ZZEF1: variants seen among roughly 807,000 people sequenced by gnomAD.
The protein encoded by ZZEF1 is zinc finger ZZ-type and EF-hand domain containing 1, also known as zinc finger ZZ-type and EF-hand domain-containing protein 1.
A neutral mutation model predicts 342.8 loss-of-function variants in ZZEF1; 157 were observed. That is an observed-to-expected ratio of 0.46 (90% CI 0.40 to 0.52). The LOEUF (loss-of-function observed/expected upper bound fraction) is 0.52. Among genes scored for constraint, ZZEF1 ranks in the 20% least tolerant of loss-of-function variants. The pLI is 0.00. For missense variants in ZZEF1, 3,480 were observed against 3,725.6 expected (o/e 0.93, Z 1.72); for synonymous variants, 1,505 against 1,429.1 (o/e 1.05, Z -1.20).
rs1491483468 is a variant in ZZEF1, at chr17:4,024,185, G to GTT, written c.7092+733_7092+734insAA. On this transcript the variant is annotated intron_variant, in intron 43 of 54. Transcript: ENST00000381638. ...TCATCTCCATGCCAAATATTGCCCA[G>GTT]GTTTTTTTTTTTTTTTTTTTTTTTT... Among the ~76,000 whole-genome samples the GTT allele has an allele frequency of 3.0e-3, 253 of 83,964 alleles. 4 individuals are homozygous for GTT. Among genetic ancestry groups the GTT allele is most frequent in the African/African-American group, 0.017 (242 of 14,072 alleles). The allele number at this position is 83,964 out of a possible 152,430, so 55.1% of individuals were successfully genotyped here.
chr17:4,034,224 G>A lies in ZZEF1; in HGVS notation c.6375C>T (p.Asn2125=), dbSNP rs35511240. Residue 2125 remains asparagine (N), a synonymous_variant, in exon 40 of 55, where the codon AAC becomes AAT. Transcript: ENST00000381638. ...GGTAGGTTTCATTCAGGTGGCCTGC[G>A]TTTGAGATGACAACCTGAAACATGA... The part of the protein sequence containing the change: ...LPLMFQVVIS[N]AGHLNETYHL... The A allele has an allele frequency of 6.4e-3, 10,354 of 1,614,188 alleles. 43 individuals are homozygous for A. Among genetic ancestry groups the A allele is most frequent in the Non-Finnish European group, 7.8e-3 (9,188 of 1,180,022 alleles).
intron 2 of ZZEF1, among the ~76,000 whole-genome samples, chr17:4,119,352 A>G (rs1167875838): frequency 2.0e-5 from 3 of 152,218 alleles, no homozygotes; most frequent in African/African-American, 7.2e-5. Context: ...TGGTGGCACC[A>G]ATGTCTGCAA....
At position 4,062,769 on chromosome 17, in the gene ZZEF1, G is replaced by A; in HGVS notation, c.4867C>T (p.Gln1623Ter). ...ILFLLELLTC[Q>*]KDFTNYFGHL... Reference sequence around the variant, plus strand: ...TGTACTTACTTGGTAAAATCTTTCTGACAGGTCAGAAGTTCCAACAGGAAA... The same window carrying A: ...TGTACTTACTTGGTAAAATCTTTCTAACAGGTCAGAAGTTCCAACAGGAAA... The change falls in exon 30 of 55, where the codon CAG (glutamine) becomes TAG (stop). Residue 1623 changes from glutamine (Q) to a stop codon, truncating the protein, a stop_gained. Coordinates refer to ENST00000381638, the MANE Select transcript of ZZEF1 (RefSeq NM_015113.4). LOFTEE classifies it high-confidence loss of function. The A allele has an allele frequency of 6.2e-7, 1 of 1,607,538 alleles. No individual in the cohort carries two copies. Among genetic ancestry groups the A allele is most frequent in the Non-Finnish European group, 8.5e-7 (1 of 1,176,558 alleles).
intron 1 of ZZEF1, 61 bp from the exon 2 acceptor site, chr17:4,124,112 G>C (rs145700761): frequency 1.3e-6 from 2 of 1,511,656 alleles, no homozygotes; most frequent in Non-Finnish European, 1.8e-6. Context: ...GCAGTTTCAA[G>C]TTTCTTTTAT....
intron 3 of ZZEF1, among the ~76,000 whole-genome samples, chr17:4,115,946 T>C (rs2058387166): frequency 6.6e-6 from 1 of 152,244 alleles, no homozygotes; most frequent in Non-Finnish European, 1.5e-5. Context: ...TGGAACTATT[T>C]TCTTCCAATA....
chr17:4,118,676 C>T (rs1022441196), intron 2 of ZZEF1, among the ~76,000 whole-genome samples: 24 of 152,186 alleles, frequency 1.6e-4, no homozygotes, highest in Non-Finnish European at 2.9e-5. Flanking sequence ...CCTCCAAAAT[C>T]CAAGTTGGTC....
chr17:4,137,591 A>G lies in ZZEF1; in HGVS notation c.354+4951T>C, dbSNP rs369041188. 4.7e-4 allele frequency among the ~76,000 whole-genome samples: 72 copies of G among 152,278 alleles called. 2 individuals are homozygous for G. In the South Asian group the frequency reaches 6.2e-3, roughly 13 times the overall value. On this transcript the variant is annotated intron_variant, in intron 1 of 54. Transcript: ENST00000381638. The stretch of plus-strand genomic sequence containing the variant: ...TGTGCCACTGCACTCCAGCCTGGGC[A>G]ACAGAGACTCTGTCTCAAAATAATA...
chr17:4,091,152 C>T (rs1193883052), intron 11 of ZZEF1, among the ~76,000 whole-genome samples: 1 of 152,208 alleles, frequency 6.6e-6, no homozygotes, highest in Non-Finnish European at 1.5e-5. Context: ...TCCAATGCAA[C>T]AGCTGGCATG....
intron 52 of ZZEF1, among the ~76,000 whole-genome samples, chr17:4,011,416 G>A (rs1008917223): frequency 7.2e-5 from 11 of 152,048 alleles, no homozygotes; most frequent in African/African-American, 2.7e-4. Flanking sequence ...AAAAAAAAAG[G>A]TAACGATGAC....
intron 6 of ZZEF1, among the ~76,000 whole-genome samples, chr17:4,109,376 T>A (rs919073340): frequency 6.6e-6 from 1 of 152,144 alleles, no homozygotes; most frequent in African/African-American, 2.4e-5. Flanking sequence ...ACAAGACTGG[T>A]CCACTTAGTG....
At chr17:4,131,327 A>G (rs1331772143) in intron 1 of ZZEF1, among the ~76,000 whole-genome samples, 19 of 152,208 alleles carry the variant, frequency 1.2e-4, no homozygotes, top group Admixed American at 1.2e-3. Context: ...TGAAGTTGAT[A>G]GAATGCCAAT....
At chr17:4,054,254 T>A (rs188365246) in intron 33 of ZZEF1, 59 bp from the exon 34 acceptor site, 1 of 1,555,370 alleles carries the variant, frequency 6.4e-7, no homozygotes, top group Non-Finnish European at 8.8e-7. Flanking sequence ...CACAATTCAC[T>A]AATCAATTCC....
At chr17:4,064,918 A>G (rs917601556) in intron 28 of ZZEF1, 89 bp from the exon 29 acceptor site, 11 of 956,310 alleles carry the variant, frequency 1.2e-5, no homozygotes, top group Non-Finnish European at 1.7e-5. Context: ...TAGAGGATAT[A>G]CCTAATGTAA....
At chr17:4,113,418 G>A (rs540887581) in intron 4 of ZZEF1, among the ~76,000 whole-genome samples, 5 of 152,244 alleles carry the variant, frequency 3.3e-5, no homozygotes, top group Admixed American at 2.0e-4. Flanking sequence ...GGCCAGGCAC[G>A]GTGGCTCACG....
chr17:4,020,831 T>C (rs1275972663), intron 45 of ZZEF1, among the ~76,000 whole-genome samples: 1 of 152,214 alleles, frequency 6.6e-6, no homozygotes, highest in Non-Finnish European at 1.5e-5. Flanking sequence ...GCCTTAGGGC[T>C]TTAGTAAGCC....
In ZZEF1 at chr17:4,052,253, C is replaced by T. The variant is rs1007421995; in HGVS notation, c.5435-117G>A. 19 of 972,452 alleles carry T rather than the reference C, an allele frequency of 2.0e-5. No individual in the cohort carries two copies. The African/African-American group carries it at 2.0e-4, about 10-fold the overall frequency. 60.2% of individuals were successfully genotyped at this position (972,452 alleles called of 1,614,324 possible). On this transcript the variant is annotated intron_variant, in intron 34 of 54. Coordinates refer to ENST00000381638, the MANE Select transcript of ZZEF1 (RefSeq NM_015113.4). ...GTTCCCAAGTGACTGCTCAGGGATA[C>T]AGGGCCCACAGGCGTTCTCTGGAGA...
At chr17:4,051,337 T>C (rs2057041360) in intron 35 of ZZEF1, among the ~76,000 whole-genome samples, 2 of 152,166 alleles carry the variant, frequency 1.3e-5, no homozygotes, top group African/African-American at 4.8e-5. Context: ...AGCATTTTGG[T>C]AATGTGAATA....
rs147651883 is a variant in ZZEF1, at chr17:4,112,672, G to C, written c.1003C>G (p.His335Asp). The change falls in exon 5 of 55, where the codon CAC (histidine) becomes GAC (aspartate). Residue 335 changes from histidine to aspartate, a missense_variant. Physicochemically the swap from His to Asp is moderately conservative, Grantham distance 81 (BLOSUM62 -1). This residue lies in a region of ZZEF1 where 92 missense variants were observed against 130.3 expected (regional missense o/e 0.71). Transcript: ENST00000381638. ...ASDLQEVRDV[H>D]IPSNVTGYVT... ...TAGCCAGTGACATTGCTGGGGATGT[G>C]CACATCTCGGACTTCCTGAAGATCG... The C allele has an allele frequency of 2.5e-5, 41 of 1,614,122 alleles. No homozygotes were observed. The highest frequency in any genetic ancestry group is 3.0e-5 in the Non-Finnish European group (35 of 1,180,052).
chr17:4,044,493 T>A, intron 37 of ZZEF1, 119 bp from the exon 38 acceptor site: 1 of 824,632 alleles, frequency 1.2e-6, no homozygotes, highest in South Asian at 1.8e-5. Context: ...TGAATGCCAT[T>A]AGAAAATGCC....
Sources: allele counts gnomAD v4.1 joint callset (sites outside exome capture counted in the v4.1 genomes callset), GRCh38; gene constraint gnomAD v4.1.1; regional missense constraint gnomAD v4.1.1; transcripts MANE v1.5; gene names NCBI Gene and HGNC (gene_info 2026-07-23, HGNC 2026-07-21).